Variants in MACROD2 observed in about 807,000 individuals in gnomAD.
MACROD2 encodes the protein mono-ADP ribosylhydrolase 2, also known as ADP-ribose glycohydrolase MACROD2.
Under a neutral mutation model 70.4 loss-of-function variants are expected in MACROD2, and 36 were observed. The observed-to-expected ratio is 0.51, with a 90% confidence interval of 0.39 to 0.68. MACROD2 has a LOEUF of 0.68. Ranked by LOEUF, MACROD2 falls within the 30% of genes least tolerant of loss-of-function variation. MACROD2 has a pLI of 0.00. For synonymous variants in MACROD2, 172 were observed against 178.8 expected, an observed-to-expected ratio of 0.96 and a Z score of 0.30; for missense variants, 496 against 538.4, an observed-to-expected ratio of 0.92 and a Z score of 0.78.
chr20:15,662,502 C>A (rs763765107), intron 8 of MACROD2, among the ~76,000 whole-genome samples: 2 of 152,108 alleles, frequency 1.3e-5, no homozygotes, highest in Non-Finnish European at 2.9e-5. Context: ...TTATTCTACT[C>A]TTGTCTCTTA....
At position 15,205,488 on chromosome 20, in the gene MACROD2, G is replaced by C. The variant is rs1030572289; in HGVS notation, c.419-24452G>C. Reference sequence around the variant, plus strand: ...CATCCATACAGCAAATATTCCAAGAGATCAAGGCAAAACCGGTGAGGCTTA... The same window carrying C: ...CATCCATACAGCAAATATTCCAAGACATCAAGGCAAAACCGGTGAGGCTTA... On this transcript the variant is annotated intron_variant, in intron 5 of 17. Transcript: ENST00000684519. 4.6e-5 allele frequency among the ~76,000 whole-genome samples: 7 copies of C among 152,162 alleles called. 1 individual carries two copies.
intron 2 of MACROD2, among the ~76,000 whole-genome samples, chr20:14,013,417 T>G (rs1379862808): frequency 6.7e-6 from 1 of 150,208 alleles, no homozygotes; most frequent in Non-Finnish European, 1.5e-5. Context: ...GGACTACAGG[T>G]GCCCGCCACC....
At chr20:14,964,147 A>G (rs2074609502) in intron 5 of MACROD2, among the ~76,000 whole-genome samples, 2 of 152,226 alleles carry the variant, frequency 1.3e-5, no homozygotes, top group South Asian at 4.2e-4. Context: ...AATGAAATAT[A>G]AATGGTATGG....
intron 8 of MACROD2, among the ~76,000 whole-genome samples, chr20:15,534,655 A>G (rs537966799): frequency 6.6e-6 from 1 of 152,326 alleles, no homozygotes. Flanking sequence ...TCAAGCACAT[A>G]AACAGTTCAA....
intron 5 of MACROD2, among the ~76,000 whole-genome samples, chr20:14,793,488 T>C (rs1042463240): frequency 6.6e-6 from 1 of 151,702 alleles, no homozygotes; most frequent in African/African-American, 2.4e-5. Flanking sequence ...GTCCCTTTAG[T>C]TCTCTTCTGT....
chr20:16,040,685 C>CAG (rs1268378241), intron 15 of MACROD2, among the ~76,000 whole-genome samples: 2 of 151,962 alleles, frequency 1.3e-5, no homozygotes, highest in African/African-American at 4.8e-5. Flanking sequence ...ATGGCAGCAT[C>CAG]AGAGGTCTCC....
At chr20:14,054,444 C>T (rs2053609880) in intron 2 of MACROD2, among the ~76,000 whole-genome samples, 1 of 151,938 alleles carries the variant, frequency 6.6e-6, no homozygotes, top group African/African-American at 2.4e-5. Context: ...AGGTAGCTAG[C>T]ACACAGTTAT....
At chr20:15,586,892 T>C (rs1014966958) in intron 8 of MACROD2, among the ~76,000 whole-genome samples, 6 of 152,122 alleles carry the variant, frequency 3.9e-5, no homozygotes, top group African/African-American at 1.4e-4. Context: ...ATTTGTGAGA[T>C]CTACATAAAA....
intron 6 of MACROD2, among the ~76,000 whole-genome samples, chr20:15,402,992 G>C (rs760783829): frequency 4.0e-5 from 6 of 151,822 alleles, no homozygotes; most frequent in Non-Finnish European, 8.8e-5. Context: ...TTGAGATGGA[G>C]TTTTACTCTT....
chr20:14,260,777 T>C (rs1277216196), intron 3 of MACROD2, among the ~76,000 whole-genome samples: 1 of 152,256 alleles, frequency 6.6e-6, no homozygotes, highest in East Asian at 1.9e-4. Context: ...TCTTATATGC[T>C]CTTGTGAGCA....
chr20:16,017,210 C>T (rs763047021), intron 15 of MACROD2, among the ~76,000 whole-genome samples: 2 of 152,148 alleles, frequency 1.3e-5, no homozygotes, highest in East Asian at 1.9e-4. Context: ...ACAGTATAAG[C>T]GTACTCTTGC....
chr20:15,425,067 A>C (rs2046280408), intron 6 of MACROD2, among the ~76,000 whole-genome samples: 1 of 152,202 alleles, frequency 6.6e-6, no homozygotes, highest in African/African-American at 2.4e-5. Context: ...AGAGGGTGGC[A>C]GTGGTTTGGA....
At chr20:15,343,327 A>T (rs1007380672) in intron 6 of MACROD2, among the ~76,000 whole-genome samples, 1 of 152,210 alleles carries the variant, frequency 6.6e-6, no homozygotes, top group Non-Finnish European at 1.5e-5. Flanking sequence ...AGCATTTTTC[A>T]AAGATGGTGT....
chr20:15,423,995 G>T (rs1231634641), intron 6 of MACROD2, among the ~76,000 whole-genome samples: 2 of 152,074 alleles, frequency 1.3e-5, no homozygotes, highest in East Asian at 3.9e-4. Context: ...ACTTATCCTT[G>T]TATTCTCACA....
chr20:14,632,801 T>C (rs2123476019), intron 4 of MACROD2, among the ~76,000 whole-genome samples: 1 of 152,384 alleles, frequency 6.6e-6, no homozygotes, highest in African/African-American at 2.4e-5. Flanking sequence ...GATAATATTT[T>C]AATGTAAAAT....
chr20:14,384,778 T>C (rs2083454197), intron 3 of MACROD2, among the ~76,000 whole-genome samples: 1 of 152,176 alleles, frequency 6.6e-6, no homozygotes, highest in Non-Finnish European at 1.5e-5. Flanking sequence ...GTAACAACTG[T>C]GATAATTTTT....
chr20:15,597,025 T>G (rs2048754880), intron 8 of MACROD2, among the ~76,000 whole-genome samples: 1 of 152,240 alleles, frequency 6.6e-6, no homozygotes, highest in Non-Finnish European at 1.5e-5. Context: ...GTATGATCCC[T>G]TAAAGAACTC....
chr20:14,283,853 CTG>C (rs1006488231), intron 3 of MACROD2, among the ~76,000 whole-genome samples: 8 of 152,126 alleles, frequency 5.3e-5, no homozygotes, highest in Admixed American at 2.6e-4. Context: ...ATTGCTTTTC[CTG>C]TATCCCAAAC....
At chr20:15,985,736 T>C (rs1478591924) in intron 13 of MACROD2, 1 of 152,302 alleles carries the variant, frequency 6.6e-6, no homozygotes, top group Non-Finnish European at 1.5e-5. Flanking sequence ...GTCCATCAGT[T>C]ACCTCGTTTC....
Sources: allele counts gnomAD v4.1 joint callset (sites outside exome capture counted in the v4.1 genomes callset), GRCh38; gene constraint gnomAD v4.1.1; transcripts MANE v1.5; gene names NCBI Gene and HGNC (gene_info 2026-07-23, HGNC 2026-07-21).